The following UBE2Q2 variants were observed in gnomAD, a reference collection of about 807,000 sequenced individuals.
The protein encoded by UBE2Q2 is ubiquitin conjugating enzyme E2 Q2, also known as ubiquitin-conjugating enzyme E2 Q2.
UBE2Q2 carries 54 observed loss-of-function variants against 59.9 expected under a neutral mutation model. The observed-to-expected ratio is 0.90, with a 90% CI of 0.72 to 1.13. UBE2Q2 has a LOEUF of 1.13. UBE2Q2 is among the 50% of genes most tolerant of loss of function. The pLI is 0.00. For synonymous variants in UBE2Q2, 165 were observed against 155.2 expected, an observed-to-expected ratio of 1.06 and a Z score of -0.47; for missense variants, 433 against 441.9, an observed-to-expected ratio of 0.98 and a Z score of 0.18.
chr15:75,844,463 G>GC (rs1567010812), intron 1 of UBE2Q2: 8 of 1,551,468 alleles, frequency 5.2e-6, no homozygotes, highest in African/African-American at 2.7e-5. Context: ...CTGGAAAGGA[G>GC]CATAGTACCG....
At chr15:75,897,501 A>G (rs1014160411) in intron 12 of UBE2Q2, among the ~76,000 whole-genome samples, 7 of 152,044 alleles carry the variant, frequency 4.6e-5, no homozygotes, top group African/African-American at 1.7e-4. Flanking sequence ...TTACAGGTGT[A>G]AGCCACTGCA....
intron 6 of UBE2Q2, 70 bp downstream of exon 6, chr15:75,876,341 C>A: frequency 1.0e-5 from 14 of 1,364,414 alleles, no homozygotes; most frequent in Non-Finnish European, 1.3e-5. Flanking sequence ...TTATAAATGT[C>A]ATTTCTTAAA....
At chr15:75,899,325 C>T in intron 12 of UBE2Q2, 102 bp from the exon 13 acceptor site, 1 of 540,392 alleles carries the variant, frequency 1.9e-6, no homozygotes, top group Non-Finnish European at 2.8e-6. Context: ...AGATTTTAAA[C>T]ACCAAAATTA....
chr15:75,845,979 C>A (rs1013264580), intron 1 of UBE2Q2, among the ~76,000 whole-genome samples: 1 of 152,218 alleles, frequency 6.6e-6, no homozygotes, highest in Admixed American at 6.5e-5. Context: ...AATTGACTTG[C>A]TAGTGAAATA....
chr15:75,870,357 C>T (rs559545622), intron 4 of UBE2Q2, among the ~76,000 whole-genome samples: 14 of 152,190 alleles, frequency 9.2e-5, no homozygotes, highest in Non-Finnish European at 1.5e-4. Context: ...TATAGACATG[C>T]GCCACTGTGC....
At chr15:75,890,292 G>T in intron 9 of UBE2Q2, 143 bp from the exon 10 acceptor site, 1 of 619,870 alleles carries the variant, frequency 1.6e-6, no homozygotes, top group East Asian at 2.8e-5. Flanking sequence ...CCATAGTCCT[G>T]TATCCCTAAC....
Position 75,873,953 on chromosome 15 carries a change from C to T in UBE2Q2, c.588+385C>T, listed in dbSNP as rs150453894. 2.8e-3 allele frequency among the ~76,000 whole-genome samples: 433 copies of T among 152,152 alleles called. 2 individuals carry two copies. Among genetic ancestry groups the T allele is most frequent in the African/African-American group, 9.9e-3 (410 of 41,494 alleles). The stretch of plus-strand genomic sequence containing the variant: ...CAAGTCATCCTCCCATCTTGGCCTC[C>T]GAAACTACTGGGATTACAGGCATGA... On this transcript the variant is annotated intron_variant, in intron 5 of 12. Coordinates refer to ENST00000267938, the MANE Select transcript of UBE2Q2 (RefSeq NM_173469.4).
chr15:75,885,207 C>T (rs1168721300), intron 9 of UBE2Q2, among the ~76,000 whole-genome samples: 2 of 152,026 alleles, frequency 1.3e-5, no homozygotes, highest in Non-Finnish European at 2.9e-5. Flanking sequence ...GCAACCTCTG[C>T]CTTCCTGGGT....
At chr15:75,898,255 T>G (rs1431567419) in intron 12 of UBE2Q2, among the ~76,000 whole-genome samples, 1 of 152,208 alleles carries the variant, frequency 6.6e-6, no homozygotes, top group Non-Finnish European at 1.5e-5. Context: ...AAAAAATATT[T>G]ATAGAAAATG....
intron 2 of UBE2Q2, among the ~76,000 whole-genome samples, chr15:75,857,202 T>C (rs1353021937): frequency 6.6e-6 from 1 of 152,226 alleles, no homozygotes; most frequent in African/African-American, 2.4e-5. Context: ...GACACATGTT[T>C]ACATCCCCAG....
At chr15:75,886,384 T>TG (rs1485766020) in intron 9 of UBE2Q2, among the ~76,000 whole-genome samples, 1 of 152,062 alleles carries the variant, frequency 6.6e-6, no homozygotes, top group Non-Finnish European at 1.5e-5. Context: ...CCTCCCAAAG[T>TG]GCTAGGATTA....
At chr15:75,874,144 C>T (rs1897944956) in intron 5 of UBE2Q2, among the ~76,000 whole-genome samples, 1 of 152,068 alleles carries the variant, frequency 6.6e-6, no homozygotes, top group East Asian at 1.9e-4. Flanking sequence ...TCTCTGCTTA[C>T]CTTCCTCTCA....
chr15:75,849,516 T>C (rs184297050), intron 1 of UBE2Q2, among the ~76,000 whole-genome samples: 2 of 152,326 alleles, frequency 1.3e-5, no homozygotes, highest in Admixed American at 6.5e-5. Flanking sequence ...TACAGAAAGT[T>C]ACTTCTAAAT....
intron 7 of UBE2Q2, among the ~76,000 whole-genome samples, chr15:75,878,610 A>G (rs1595886303): frequency 6.7e-6 from 1 of 149,972 alleles, no homozygotes; most frequent in East Asian, 1.9e-4. Flanking sequence ...TAAAAAAAAA[A>G]AAAAAAAAAA....
chr15:75,896,671 A>G (rs1053737314), intron 11 of UBE2Q2, among the ~76,000 whole-genome samples: 2 of 152,224 alleles, frequency 1.3e-5, no homozygotes, highest in Non-Finnish European at 2.9e-5. Context: ...ACATCCAGAT[A>G]TAATCCTTTA....
intron 1 of UBE2Q2, among the ~76,000 whole-genome samples, chr15:75,850,215 A>G (rs1464108822): frequency 2.0e-5 from 3 of 152,214 alleles, no homozygotes; most frequent in Non-Finnish European, 4.4e-5. Flanking sequence ...TAAGACATTA[A>G]AAGAAATTTA....
intron 1 of UBE2Q2, chr15:75,844,282 TC>T: frequency 6.5e-7 from 1 of 1,541,338 alleles, no homozygotes; most frequent in East Asian, 2.5e-5. Context: ...GCCTCATTTT[TC>T]AGTCGGATTT....
intron 12 of UBE2Q2, among the ~76,000 whole-genome samples, chr15:75,898,893 A>G (rs1445322676): frequency 2.0e-5 from 3 of 152,170 alleles, no homozygotes; most frequent in Non-Finnish European, 2.9e-5. Context: ...ACTCAGGTAC[A>G]ATTTATTCAT....
chr15:75,843,750 T>G lies in UBE2Q2; in HGVS notation c.84T>G (p.Ser28Arg). 1.2e-6 allele frequency: 2 copies of G among 1,611,392 alleles called. No homozygotes were observed. The highest frequency in any genetic ancestry group is 1.7e-6 in the Non-Finnish European group (2 of 1,179,054). The change falls in exon 1 of 13, where the codon AGT becomes AGG. Residue 28 changes from serine to arginine, a missense_variant. Transcript: ENST00000267938. ...DKNHERFRIV[S>R]WKLDELHCQF... ...ACCACGAGCGATTCCGCATCGTCAG[T>G]TGGAAGCTGGACGAGCTGCACTGCC...
Sources: gnomAD v4.1 joint callset for allele counts (sites outside exome capture counted in the v4.1 genomes callset) on GRCh38, gnomAD v4.1.1 for gene constraint, MANE v1.5 for transcripts, NCBI Gene and HGNC (gene_info 2026-07-23, HGNC 2026-07-21) for gene names.